Variants in DCAF8L2 observed in about 807,000 individuals in gnomAD.
The protein encoded by DCAF8L2 is DDB1- and CUL4-associated factor 8-like protein 2.
For synonymous variants in DCAF8L2, 200 were observed against 190.9 expected (o/e 1.05, Z -0.39); for missense variants, 430 against 490.7 (o/e 0.88, Z 1.17).
chrX:27,540,541 A>G, the DCAF8L2 span, among the ~76,000 whole-genome samples: 1 of 112,021 alleles, frequency 8.9e-6, no homozygotes, highest in African/African-American at 3.2e-5. Flanking sequence ...AGTAGATAGT[A>G]GAATAGTGGT....
At chrX:27,685,994 A>T (rs2147246681) in intron 3 of DCAF8L2, among the ~76,000 whole-genome samples, 1 of 112,043 alleles carries the variant, frequency 8.9e-6, no homozygotes, top group Admixed American at 9.5e-5. Flanking sequence ...GCTCAACACT[A>T]GTAATCATCG....
chrX:27,497,545 C>T, the DCAF8L2 span, among the ~76,000 whole-genome samples: 263 of 76,948 alleles, frequency 3.4e-3, 2 homozygotes, highest in African/African-American at 0.017. Context: ...TCCTTCCTTC[C>T]TTCCTTCTTT....
chrX:27,651,909 C>T (rs756118180), intron 2 of DCAF8L2, among the ~76,000 whole-genome samples: 1 of 110,114 alleles, frequency 9.1e-6, no homozygotes, highest in African/African-American at 3.3e-5. Flanking sequence ...TAATGATTAG[C>T]CATTGGAGTT....
At chrX:27,530,980 G>T in the DCAF8L2 span, among the ~76,000 whole-genome samples, 2 of 111,381 alleles carry the variant, frequency 1.8e-5, no homozygotes, top group Non-Finnish European at 3.8e-5. Context: ...TATTGGCCAT[G>T]TATCGTAAAC....
chrX:27,587,975 TAAAAA>T (rs531576238), upstream of DCAF8L2, among the ~76,000 whole-genome samples: 1 of 25,500 alleles, frequency 3.9e-5, no homozygotes, highest in Non-Finnish European at 8.2e-5. Flanking sequence ...GTACTTCCAT[TAAAAA>T]AAAAAATATA....
intron 2 of DCAF8L2, among the ~76,000 whole-genome samples, chrX:27,660,615 G>C (rs1382425709): frequency 8.9e-6 from 1 of 112,074 alleles, no homozygotes; most frequent in Non-Finnish European, 1.9e-5. Context: ...CGCATGTGCA[G>C]TCCTCAGGCC....
intron 1 of DCAF8L2, among the ~76,000 whole-genome samples, chrX:27,626,781 C>T (rs974586298): frequency 1.8e-5 from 2 of 111,319 alleles, no homozygotes; most frequent in Non-Finnish European, 3.8e-5. Context: ...AGAAAGATTC[C>T]TGCTATCATA....
intron 2 of DCAF8L2, among the ~76,000 whole-genome samples, chrX:27,665,368 T>C (rs1366311631): frequency 8.9e-6 from 1 of 111,821 alleles, no homozygotes; most frequent in Non-Finnish European, 1.9e-5. Flanking sequence ...ACTGAATTGC[T>C]GCAATTTCAT....
intron 1 of DCAF8L2, among the ~76,000 whole-genome samples, chrX:27,610,642 C>T (rs996715224): frequency 9.0e-5 from 10 of 111,685 alleles, no homozygotes; most frequent in Non-Finnish European, 1.7e-4. Context: ...GCTTCTGAAA[C>T]TGCCTCCTCT....
the DCAF8L2 span, among the ~76,000 whole-genome samples, chrX:27,499,934 A>T: frequency 9.0e-6 from 1 of 110,914 alleles, no homozygotes; most frequent in African/African-American, 3.3e-5. Context: ...CATTTTGTTG[A>T]TTGTTTCCTT....
chrX:27,492,776 C>G, the DCAF8L2 span, among the ~76,000 whole-genome samples: 1 of 112,011 alleles, frequency 8.9e-6, no homozygotes, highest in Non-Finnish European at 1.9e-5. Context: ...CCACCACGCC[C>G]GGTTCCATGT....
intron 2 of DCAF8L2, among the ~76,000 whole-genome samples, chrX:27,675,604 T>C (rs1264714187): frequency 1.8e-5 from 2 of 112,117 alleles, no homozygotes; most frequent in Middle Eastern, 4.6e-3. Flanking sequence ...TGTTAAGCAC[T>C]TTAAATCATA....
At chrX:27,502,016 A>G in the DCAF8L2 span, among the ~76,000 whole-genome samples, 2 of 109,057 alleles carry the variant, frequency 1.8e-5, no homozygotes, top group Admixed American at 1.0e-4. Flanking sequence ...CTTGACTGCA[A>G]CTACCTTCAA....
intron 2 of DCAF8L2, among the ~76,000 whole-genome samples, chrX:27,649,307 T>C (rs964202705): frequency 8.9e-6 from 1 of 112,226 alleles, no homozygotes; most frequent in African/African-American, 3.2e-5. Context: ...TGATTTAGTT[T>C]CTTCTGGATA....
intron 1 of DCAF8L2, among the ~76,000 whole-genome samples, chrX:27,601,906 A>G (rs1198603838): frequency 9.0e-6 from 1 of 111,268 alleles, no homozygotes; most frequent in Non-Finnish European, 1.9e-5. Context: ...GGCACCAGCA[A>G]AGAAACTGCA....
intron 1 of DCAF8L2, among the ~76,000 whole-genome samples, chrX:27,601,707 A>AC (rs1926650788): frequency 9.1e-6 from 1 of 110,469 alleles, no homozygotes; most frequent in African/African-American, 3.3e-5. Flanking sequence ...CTCAAAAAAA[A>AC]AAAAAAACAA....
the DCAF8L2 span, among the ~76,000 whole-genome samples, chrX:27,553,781 AT>A: frequency 5.5e-5 from 6 of 109,753 alleles, no homozygotes; most frequent in Admixed American, 5.9e-4. Flanking sequence ...TTTCTTTGTG[AT>A]TAAGTGATTT....
the DCAF8L2 span, among the ~76,000 whole-genome samples, chrX:27,508,895 G>A: frequency 1.6e-4 from 18 of 110,028 alleles, no homozygotes; most frequent in Admixed American, 1.6e-3. Context: ...ACAATGAAGT[G>A]TAGGTGCTTA....
chrX:27,723,914 T>G (rs1483145981), intron 4 of DCAF8L2, among the ~76,000 whole-genome samples: 1 of 110,066 alleles, frequency 9.1e-6, no homozygotes, highest in Non-Finnish European at 1.9e-5. Context: ...TGTACCAAGA[T>G]AGAGTGATCT....
Sources: gnomAD v4.1 joint callset for allele counts (sites outside exome capture counted in the v4.1 genomes callset) on GRCh38, gnomAD v4.1.1 for gene constraint, MANE v1.5 for transcripts, NCBI Gene and HGNC (gene_info 2026-07-23, HGNC 2026-07-21) for gene names.